DLGAP4: variants seen among roughly 807,000 people sequenced by gnomAD.
The protein encoded by DLGAP4 is disks large-associated protein 4.
DLGAP4 carries 18 observed loss-of-function variants against 86.9 expected under a neutral mutation model. The observed-to-expected ratio is 0.21, with a 90% CI of 0.14 to 0.31. The LOEUF is 0.31. Among genes scored for constraint, DLGAP4 ranks in the 10% least tolerant of loss-of-function variants. DLGAP4 has a pLI of 1.00. For synonymous variants in DLGAP4, 548 were observed against 574.3 expected, an observed-to-expected ratio of 0.95 and a Z score of 0.65; for missense variants, 1,085 against 1,362.6, an observed-to-expected ratio of 0.80 and a Z score of 3.21.
intron 1 of DLGAP4, among the ~76,000 whole-genome samples, chr20:36,353,203 G>A (rs1399986164): frequency 1.3e-5 from 2 of 152,192 alleles, no homozygotes; most frequent in Non-Finnish European, 2.9e-5. Flanking sequence ...GAGAAAGCTG[G>A]GCCTGCAGAG....
chr20:36,316,891 C>A (rs1233944859), intron 1 of DLGAP4, among the ~76,000 whole-genome samples: 1 of 152,184 alleles, frequency 6.6e-6, no homozygotes, highest in Admixed American at 6.5e-5. Flanking sequence ...TGAGGCTGGG[C>A]AAACAGGGAG....
chr20:36,349,361 T>C (rs2030062461), intron 1 of DLGAP4, among the ~76,000 whole-genome samples: 1 of 146,082 alleles, frequency 6.8e-6, no homozygotes, highest in Admixed American at 7.0e-5. Context: ...GAGCTTGCAG[T>C]GAGCCGAGAT....
intron 7 of DLGAP4, among the ~76,000 whole-genome samples, chr20:36,457,346 G>A (rs1277344613): frequency 6.6e-6 from 1 of 151,494 alleles, no homozygotes; most frequent in East Asian, 1.9e-4. Context: ...AGCCTCCTGA[G>A]TAGCTGGGAC....
intron 1 of DLGAP4, among the ~76,000 whole-genome samples, chr20:36,347,815 TTAAA>T (rs2147383964): frequency 6.7e-6 from 1 of 150,154 alleles, no homozygotes; most frequent in South Asian, 2.2e-4. Flanking sequence ...AACAAGACAC[TTAAA>T]TAATAATAAT....
At chr20:36,399,775 C>A (rs2032102474) in intron 2 of DLGAP4, among the ~76,000 whole-genome samples, 1 of 152,154 alleles carries the variant, frequency 6.6e-6, no homozygotes, top group Non-Finnish European at 1.5e-5. Context: ...TCAATGAGAA[C>A]GTGAGGTTTC....
rs915563839 is a variant in DLGAP4, at chr20:36,425,689, C to T, written c.-72-5957C>T. Among the ~76,000 whole-genome samples, 9 of 150,410 alleles carry T rather than the reference C, an allele frequency of 6.0e-5. No homozygotes were observed. In the South Asian group the frequency reaches 1.1e-3, roughly 18 times the overall value. On this transcript the variant is annotated intron_variant, in intron 2 of 12. Coordinates refer to ENST00000339266, the MANE Select transcript of DLGAP4 (RefSeq NM_001365621.2). ...TACAAAACATAGCCAGGTGCAGTGG[C>T]GGGCACCTGTAATCCCAGCTACTCG... is the stretch of plus-strand genomic sequence containing the variant.
At chr20:36,522,895 C>T (rs1284485545) in intron 10 of DLGAP4, among the ~76,000 whole-genome samples, 1 of 152,144 alleles carries the variant, frequency 6.6e-6, no homozygotes, top group Non-Finnish European at 1.5e-5. Flanking sequence ...CTCACTTTGT[C>T]ACTCAGGCTG....
At chr20:36,340,842 G>A (rs2065372563) in intron 1 of DLGAP4, among the ~76,000 whole-genome samples, 1 of 152,224 alleles carries the variant, frequency 6.6e-6, no homozygotes, top group Admixed American at 6.5e-5. Context: ...TGGAGGGGGA[G>A]GCATAATTAG....
chr20:36,450,282 G>C (rs897251901), intron 7 of DLGAP4, among the ~76,000 whole-genome samples: 1 of 152,302 alleles, frequency 6.6e-6, no homozygotes, highest in African/African-American at 2.4e-5. Flanking sequence ...TGGATCACTT[G>C]AGGCCAGGAG....
chr20:36,357,316 C>T (rs1363698291), intron 1 of DLGAP4, among the ~76,000 whole-genome samples: 4 of 152,236 alleles, frequency 2.6e-5, no homozygotes, highest in Non-Finnish European at 5.9e-5. Flanking sequence ...GCCCTTCCCA[C>T]TTTGCCCACC....
rs1052491445 is a variant in DLGAP4 at position 36,313,902 on chromosome 20, G to C, written c.-304+7390G>C. On this transcript the variant is annotated intron_variant, in intron 1 of 12. Transcript: ENST00000339266. ...GGGTCTCAGTTACCCCATCGGAACA[G>C]CAAGAGTCAGGAGGTGATGTTGGGG... Among the ~76,000 whole-genome samples, 47 of 152,304 alleles carry C rather than the reference G, an allele frequency of 3.1e-4. No homozygotes were observed. In the East Asian group the frequency reaches 8.3e-3, roughly 27 times the overall value.
chr20:36,526,786 T>C (rs2037797706), intron 12 of DLGAP4, 27 bp from the exon 13 acceptor site: 9 of 1,544,174 alleles, frequency 5.8e-6, no homozygotes, highest in Non-Finnish European at 7.9e-6. Context: ...ATTTTATTTT[T>C]GTTCTCTCCT....
intron 2 of DLGAP4, among the ~76,000 whole-genome samples, chr20:36,381,586 CA>C (rs1569479597): frequency 6.6e-6 from 1 of 152,172 alleles, no homozygotes; most frequent in African/African-American, 2.4e-5. Context: ...TAGCAGTGAA[CA>C]AGAATGTTGT....
chr20:36,326,131 A>T (rs2065213752), intron 1 of DLGAP4, among the ~76,000 whole-genome samples: 1 of 152,236 alleles, frequency 6.6e-6, no homozygotes, highest in Non-Finnish European at 1.5e-5. Context: ...TTTATATCTG[A>T]AGAGCATTTC....
chr20:36,464,097 G>A (rs1161939623), intron 7 of DLGAP4, among the ~76,000 whole-genome samples: 3 of 152,232 alleles, frequency 2.0e-5, no homozygotes, highest in Non-Finnish European at 4.4e-5. Flanking sequence ...GCTACTTGCA[G>A]TGGAAAAGAA....
intron 10 of DLGAP4, among the ~76,000 whole-genome samples, chr20:36,504,517 G>A (rs1398141924): frequency 6.6e-6 from 1 of 152,182 alleles, no homozygotes. Flanking sequence ...TTTGGGGAGT[G>A]AAATTGCTAA....
chr20:36,518,589 A>G (rs2037182423), intron 10 of DLGAP4, among the ~76,000 whole-genome samples: 1 of 152,086 alleles, frequency 6.6e-6, no homozygotes, highest in Admixed American at 6.6e-5. Context: ...TTCTTTGACG[A>G]CTGGGTTATT....
At position 36,377,284 on chromosome 20, in the gene DLGAP4, A is replaced by T. The variant is rs2425226; in HGVS notation, c.-73+10009A>T. On this transcript the variant is annotated intron_variant, in intron 2 of 12. Transcript: ENST00000339266. ...CAGCAGCTGCACCATAGCTTGGCAG[A>T]GAGTCTGTAGAGGATTTGTGATTCA... is the stretch of plus-strand genomic sequence containing the variant. 1.3e-3 allele frequency among the ~76,000 whole-genome samples: 192 copies of T among 152,074 alleles called. 3 individuals are homozygous for T. Among genetic ancestry groups the T allele is most frequent in the South Asian group, 6.6e-3 (32 of 4,824 alleles).
intron 2 of DLGAP4, among the ~76,000 whole-genome samples, chr20:36,384,867 C>T (rs1008718706): frequency 6.6e-6 from 1 of 152,206 alleles, no homozygotes; most frequent in African/African-American, 2.4e-5. Flanking sequence ...AGGACCTGTA[C>T]TGGGCACCTG....
Sources: gnomAD v4.1 joint callset for allele counts (sites outside exome capture counted in the v4.1 genomes callset) on GRCh38, gnomAD v4.1.1 for gene constraint, MANE v1.5 for transcripts, NCBI Gene and HGNC (gene_info 2026-07-23, HGNC 2026-07-21) for gene names.